CHD7: variants seen among roughly 807,000 people sequenced by gnomAD.
CHD7 encodes the protein chromodomain helicase DNA binding protein 7.
A neutral mutation model predicts 307.3 loss-of-function variants in CHD7; 24 were observed. The ratio of observed to expected loss-of-function variants is 0.08; its 90% CI spans 0.06 to 0.11. The LOEUF is 0.11. Among genes scored for constraint, CHD7 ranks in the 10% least tolerant of loss-of-function variants. The pLI is 1.00. For missense variants in CHD7, 3,106 were observed against 3,727.1 expected (o/e 0.83, Z 4.34); for synonymous variants, 1,363 against 1,349.9 (o/e 1.01, Z -0.21).
chr8:60,717,328 C>T (rs776950740), intron 1 of CHD7, among the ~76,000 whole-genome samples: 3 of 152,184 alleles, frequency 2.0e-5, no homozygotes, highest in Non-Finnish European at 2.9e-5. Context: ...GGTTATTAGA[C>T]TTAGCAATAA....
intron 3 of CHD7, among the ~76,000 whole-genome samples, chr8:60,788,204 G>A (rs1811595113): frequency 6.6e-6 from 1 of 151,302 alleles, no homozygotes; most frequent in African/African-American, 2.4e-5. Context: ...GCTCACTGCA[G>A]CCTCAGCCTC....
chr8:60,836,027 T>C (rs765157061), intron 15 of CHD7, 46 bp from the exon 16 acceptor site: 24 of 1,438,590 alleles, frequency 1.7e-5, no homozygotes, highest in Non-Finnish European at 2.2e-5. Flanking sequence ...TTTTTAGTAA[T>C]AAAAACCTTT....
At chr8:60,724,863 C>T (rs543820783) in intron 1 of CHD7, among the ~76,000 whole-genome samples, 1 of 152,088 alleles carries the variant, frequency 6.6e-6, no homozygotes, top group East Asian at 1.9e-4. Context: ...AGTCATAGGC[C>T]TGTGTTGAAA....
chr8:60,819,536 T>C (rs1803921794), intron 8 of CHD7, among the ~76,000 whole-genome samples: 1 of 152,236 alleles, frequency 6.6e-6, no homozygotes. Context: ...AATATGAAAT[T>C]AGCTGCTTGC....
rs191001318 is a variant in CHD7, at chr8:60,840,773, A to G, written c.4534-871A>G. On this transcript the variant is annotated intron_variant, in intron 19 of 37. Coordinates refer to ENST00000423902, the MANE Select transcript of CHD7 (RefSeq NM_017780.4). ...GCTGGGATTACAGGTGTGCACCACCATGCCTGGCTAATTTTTGCATTTTTT... is the reference window on the plus strand; with the variant it reads ...GCTGGGATTACAGGTGTGCACCACCGTGCCTGGCTAATTTTTGCATTTTTT... Among the ~76,000 whole-genome samples, 245 of 152,128 alleles carry G rather than the reference A, an allele frequency of 1.6e-3. 1 individual carries two copies. The highest frequency in any genetic ancestry group is 5.7e-3 in the African/African-American group (236 of 41,486).
At position 60,841,903 on chromosome 8, in the gene CHD7, A is replaced by G. The variant is rs1350896719; in HGVS notation, c.4701A>G (p.Ala1567=). ...GAAAGCAGACCAGGCTCTACAGTGC[A>G]GTGAAGGAAGATGAGCTGATGGAGT... ...RVRKQTRLYS[A]VKEDELMEFS... Residue 1567 remains alanine (A), a synonymous_variant, in exon 21 of 38, where the codon GCA becomes GCG. Transcript: ENST00000423902. 6.2e-7 allele frequency: 1 copy of G among 1,611,040 alleles called. No homozygotes were observed. Among genetic ancestry groups the G allele is most frequent in the African/African-American group, 1.3e-5 (1 of 74,892 alleles).
intron 1 of CHD7, among the ~76,000 whole-genome samples, chr8:60,732,019 T>G (rs1808478819): frequency 6.6e-6 from 1 of 152,270 alleles, no homozygotes; most frequent in Non-Finnish European, 1.5e-5. Flanking sequence ...TAAGACTCCC[T>G]TCCTATCACA....
chr8:60,848,468 C>T (rs771505218), intron 23 of CHD7, 47 bp from the exon 24 acceptor site: 1 of 1,383,046 alleles, frequency 7.2e-7, no homozygotes, highest in Non-Finnish European at 1.0e-6. Context: ...TGTTGGCAAA[C>T]AGTCCTGAAG....
At chr8:60,679,546 A>G (rs1193276766) in intron 1 of CHD7, 3 of 147,480 alleles carry the variant, frequency 2.0e-5, no homozygotes, top group Non-Finnish European at 4.5e-5. Flanking sequence ...ATTCGAGAGA[A>G]AAAGGAAGGA....
intron 1 of CHD7, among the ~76,000 whole-genome samples, chr8:60,740,456 T>C (rs899780719): frequency 3.9e-5 from 6 of 152,204 alleles, no homozygotes; most frequent in African/African-American, 1.4e-4. Context: ...ATAATGAGCC[T>C]GGTGATTGGG....
intron 1 of CHD7, among the ~76,000 whole-genome samples, chr8:60,686,234 C>T (rs139026962): frequency 3.9e-4 from 60 of 152,024 alleles, no homozygotes; most frequent in African/African-American, 1.3e-3. Context: ...AATGTTTCCA[C>T]GTGTGGAATG....
intron 21 of CHD7, among the ~76,000 whole-genome samples, chr8:60,842,560 A>T (rs1215037959): frequency 6.6e-6 from 1 of 152,174 alleles, no homozygotes; most frequent in Non-Finnish European, 1.5e-5. Context: ...GAAAGGGAGG[A>T]TCCATGTCCA....
intron 1 of CHD7, among the ~76,000 whole-genome samples, chr8:60,705,433 C>T (rs905405295): frequency 1.3e-5 from 2 of 152,146 alleles, no homozygotes; most frequent in East Asian, 1.9e-4. Context: ...TCACAGTACT[C>T]GTTTGATACT....
intron 1 of CHD7, among the ~76,000 whole-genome samples, chr8:60,717,683 A>G (rs983546409): frequency 2.0e-5 from 3 of 152,182 alleles, no homozygotes; most frequent in African/African-American, 7.2e-5. Context: ...GATGGGCCAC[A>G]TATACAACAG....
At chr8:60,685,897 G>C (rs1426802450) in intron 1 of CHD7, among the ~76,000 whole-genome samples, 1 of 152,172 alleles carries the variant, frequency 6.6e-6, no homozygotes, top group Non-Finnish European at 1.5e-5. Context: ...GGAAGTGTTT[G>C]TATTTTTGTG....
intron 6 of CHD7, among the ~76,000 whole-genome samples, chr8:60,804,682 G>T (rs1336970627): frequency 3.9e-5 from 6 of 152,060 alleles, no homozygotes; most frequent in Non-Finnish European, 8.8e-5. Context: ...AGAGTGTTCT[G>T]TTTTTTTGCT....
intron 15 of CHD7, among the ~76,000 whole-genome samples, chr8:60,830,978 C>G (rs529341377): frequency 1.3e-5 from 2 of 152,294 alleles, no homozygotes; most frequent in African/African-American, 4.8e-5. Context: ...TATCAGCTGT[C>G]TCAAGCCTTT....
intron 7 of CHD7, chr8:60,809,617 G>T (rs146693738): frequency 7.2e-6 from 1 of 137,932 alleles, no homozygotes; most frequent in East Asian, 2.3e-4. Flanking sequence ...GCCAGACCAG[G>T]AGACTCTAGC....
At chr8:60,778,762 T>G (rs1811069322) in intron 2 of CHD7, among the ~76,000 whole-genome samples, 1 of 152,260 alleles carries the variant, frequency 6.6e-6, no homozygotes, top group South Asian at 2.1e-4. Context: ...AGATAGGGCT[T>G]TTTCCTTTTT....
Sources: gnomAD v4.1 joint callset for allele counts (sites outside exome capture counted in the v4.1 genomes callset) on GRCh38, gnomAD v4.1.1 for gene constraint, MANE v1.5 for transcripts, NCBI Gene and HGNC (gene_info 2026-07-23, HGNC 2026-07-21) for gene names.